Variants in CRADD observed in about 807,000 individuals in gnomAD.
CRADD encodes the protein CARD and death domain containing adaptor protein.
CRADD carries 9 observed loss-of-function variants against 15.5 expected under a neutral mutation model. That is an observed-to-expected ratio of 0.58 (90% confidence interval 0.35 to 1.01). The LOEUF is 1.01. CRADD is among the 50% of genes least tolerant of loss of function. CRADD has a pLI of 0.02. For missense variants in CRADD, 227 were observed against 250.3 expected, an observed-to-expected ratio of 0.91 and a Z score of 0.63; for synonymous variants, 118 against 107.6, an observed-to-expected ratio of 1.10 and a Z score of -0.60.
intron 2 of CRADD, among the ~76,000 whole-genome samples, chr12:93,868,966 T>G (rs189394031): frequency 2.0e-5 from 3 of 152,270 alleles, no homozygotes; most frequent in Admixed American, 2.0e-4. Flanking sequence ...GCTGACTCTT[T>G]AACCACAAAT....
chr12:93,745,652 C>G (rs1033557318), intron 2 of CRADD, among the ~76,000 whole-genome samples: 4 of 152,202 alleles, frequency 2.6e-5, no homozygotes, highest in African/African-American at 9.7e-5. Context: ...TCAGGTGACT[C>G]TATATCTGAA....
intron 2 of CRADD, among the ~76,000 whole-genome samples, chr12:93,787,129 T>C (rs1485222420): frequency 6.8e-5 from 2 of 29,564 alleles, no homozygotes; most frequent in Non-Finnish European, 1.2e-4. Context: ...CTGCTGAAGA[T>C]TTTTTTTTTT....
intron 2 of CRADD, among the ~76,000 whole-genome samples, chr12:93,761,641 TC>T (rs1956964863): frequency 6.6e-6 from 1 of 152,132 alleles, no homozygotes; most frequent in Non-Finnish European, 1.5e-5. Context: ...AGCTCACACT[TC>T]CTACAACTCT....
chr12:93,804,315 A>C (rs889068119), intron 2 of CRADD, among the ~76,000 whole-genome samples: 2 of 152,138 alleles, frequency 1.3e-5, no homozygotes, highest in African/African-American at 2.4e-5. Context: ...TATTGCAATG[A>C]TGCCTGACAT....
chr12:93,894,003 G>A, intron 2 of CRADD: 1 of 702,198 alleles, frequency 1.4e-6, no homozygotes, highest in East Asian at 2.7e-5. Context: ...TAGCTCAGCT[G>A]ATCGCCATAC....
At chr12:93,807,503 A>G (rs34118426) in intron 2 of CRADD, among the ~76,000 whole-genome samples, 47,925 of 152,012 alleles carry the variant, frequency 0.32, 8,193 homozygotes, top group East Asian at 0.69. Flanking sequence ...GCTGATGACC[A>G]GAGACATTTA....
intron 2 of CRADD, among the ~76,000 whole-genome samples, chr12:93,681,069 A>C (rs951776460): frequency 1.3e-5 from 2 of 152,108 alleles, no homozygotes; most frequent in Non-Finnish European, 2.9e-5. Context: ...TTTTTAGTAG[A>C]GATGGGGTTT....
rs77420860 is a variant in CRADD at position 93,704,853 on chromosome 12, C to T, written c.298+25781C>T. On this transcript the variant is annotated intron_variant, in intron 2 of 2. Coordinates refer to ENST00000332896, the MANE Select transcript of CRADD (RefSeq NM_003805.5). ...CAGTCGGCCAAGTCAGTGCCCACCT[C>T]GAGGCCTTTGTTCCAGCCTAGCCGT... 2.3e-3 allele frequency among the ~76,000 whole-genome samples: 347 copies of T among 152,260 alleles called. 4 individuals carry two copies. In the East Asian group the frequency reaches 0.04, roughly 18 times the overall value.
chr12:93,852,889 C>T (rs1186498507), downstream of CRADD, among the ~76,000 whole-genome samples: 1 of 151,452 alleles, frequency 6.6e-6, no homozygotes, highest in African/African-American at 2.4e-5. Context: ...GAGTGTGGCC[C>T]TTCATGTTTT....
chr12:93,825,543 T>C (rs1384989003), intron 2 of CRADD, among the ~76,000 whole-genome samples: 2 of 152,216 alleles, frequency 1.3e-5, no homozygotes, highest in East Asian at 3.8e-4. Flanking sequence ...TGGAAGGGGC[T>C]GTGTTGGAAA....
intron 2 of CRADD, among the ~76,000 whole-genome samples, chr12:93,833,194 A>G (rs1224273213): frequency 1.3e-5 from 2 of 152,256 alleles, no homozygotes; most frequent in Non-Finnish European, 2.9e-5. Context: ...CATAAATTCT[A>G]TCATTTAAAA....
downstream of CRADD, among the ~76,000 whole-genome samples, chr12:93,853,352 A>G (rs936248945): frequency 6.6e-6 from 1 of 152,190 alleles, no homozygotes; most frequent in African/African-American, 2.4e-5. Flanking sequence ...TTTATATAAC[A>G]TCAAACTGTC....
intron 2 of CRADD, among the ~76,000 whole-genome samples, chr12:93,788,654 A>G (rs978815958): frequency 1.3e-5 from 2 of 152,180 alleles, no homozygotes; most frequent in African/African-American, 2.4e-5. Flanking sequence ...AGTTGTCTAG[A>G]TATCCTCCAC....
intron 2 of CRADD, among the ~76,000 whole-genome samples, chr12:93,687,125 G>A (rs1955458116): frequency 6.6e-6 from 1 of 152,092 alleles, no homozygotes; most frequent in South Asian, 2.1e-4. Flanking sequence ...GACTTTCATC[G>A]AGTATTTATG....
chr12:93,770,826 C>T (rs756406491), intron 2 of CRADD, among the ~76,000 whole-genome samples: 6 of 152,132 alleles, frequency 3.9e-5, no homozygotes, highest in Non-Finnish European at 7.4e-5. Context: ...TGTCAATTTC[C>T]ACAAATACAC....
At chr12:93,869,253 A>T (rs1215978174) in intron 2 of CRADD, among the ~76,000 whole-genome samples, 1 of 152,250 alleles carries the variant, frequency 6.6e-6, no homozygotes, top group Non-Finnish European at 1.5e-5. Flanking sequence ...AAGCCTACAC[A>T]GGATTAAGGT....
chr12:93,812,632 T>C (rs144073200), intron 2 of CRADD, among the ~76,000 whole-genome samples: 165 of 152,312 alleles, frequency 1.1e-3, no homozygotes, highest in African/African-American at 3.8e-3. Flanking sequence ...TATTTAAAAA[T>C]CCAGCTGGTT....
intron 2 of CRADD, among the ~76,000 whole-genome samples, chr12:93,849,751 A>AG (rs1958186512): frequency 6.6e-6 from 1 of 152,008 alleles, no homozygotes; most frequent in African/African-American, 2.4e-5. Context: ...AAAAAAAAAA[A>AG]AAAAAAAAGT....
At chr12:93,869,262 G>T (rs1453983961) in intron 2 of CRADD, among the ~76,000 whole-genome samples, 1 of 152,124 alleles carries the variant, frequency 6.6e-6, no homozygotes. Context: ...CAGGATTAAG[G>T]TTATCCACAA....
Sources: allele counts gnomAD v4.1 joint callset (sites outside exome capture counted in the v4.1 genomes callset), GRCh38; gene constraint gnomAD v4.1.1; transcripts MANE v1.5; gene names NCBI Gene and HGNC (gene_info 2026-07-23, HGNC 2026-07-21).